Variants in PCDH7 observed in about 807,000 individuals in gnomAD.
PCDH7 encodes protocadherin-7.
In PCDH7, 17 loss-of-function variants were observed where a neutral mutation model predicts 58.9. The observed-to-expected ratio is 0.29, with a 90% CI of 0.20 to 0.43. PCDH7 has a LOEUF of 0.43. PCDH7 is among the 20% of genes least tolerant of loss of function. The probability of loss-of-function intolerance (pLI) is 1.00; values close to 1 mark genes in which losing one functional copy is unlikely to be tolerated. For missense variants in PCDH7, 1,274 were observed against 1,441.0 expected, an observed-to-expected ratio of 0.88 and a Z score of 1.88; for synonymous variants, 664 against 616.4, an observed-to-expected ratio of 1.08 and a Z score of -1.14.
At chr4:30,819,544 G>T (rs191486757) in intron 1 of PCDH7, among the ~76,000 whole-genome samples, 6 of 152,240 alleles carry the variant, frequency 3.9e-5, no homozygotes, top group Non-Finnish European at 8.8e-5. Context: ...CTTCGTTGCC[G>T]TTTTGCTAAG....
intron 3 of PCDH7, among the ~76,000 whole-genome samples, chr4:30,982,762 C>A (rs1299923672): frequency 6.6e-6 from 1 of 152,078 alleles, no homozygotes. Context: ...TGCATCCACT[C>A]TTTCCGTTGT....
At chr4:31,095,809 C>T (rs183069300) in intron 3 of PCDH7, among the ~76,000 whole-genome samples, 38 of 152,276 alleles carry the variant, frequency 2.5e-4, no homozygotes, top group Non-Finnish European at 4.3e-4. Flanking sequence ...GGCTTTCTCT[C>T]TATAGTGTTT....
intron 1 of PCDH7, among the ~76,000 whole-genome samples, chr4:30,794,858 C>T (rs987005402): frequency 6.6e-6 from 1 of 152,060 alleles, no homozygotes; most frequent in African/African-American, 2.4e-5. Context: ...ACCTACATTT[C>T]TCTGTAGTTT....
At chr4:30,818,498 T>C (rs1727970462) in intron 1 of PCDH7, among the ~76,000 whole-genome samples, 1 of 152,184 alleles carries the variant, frequency 6.6e-6, no homozygotes, top group African/African-American at 2.4e-5. Flanking sequence ...TTTCTCCCTG[T>C]AATGAGAGAG....
intron 3 of PCDH7, among the ~76,000 whole-genome samples, chr4:30,950,976 C>CT (rs1213897565): frequency 6.6e-6 from 1 of 152,146 alleles, no homozygotes; most frequent in Non-Finnish European, 1.5e-5. Context: ...TTCTTGACTT[C>CT]TTTTTTCACT....
At position 30,721,882 on chromosome 4, in the gene PCDH7, G is replaced by T; in HGVS notation, c.460G>T (p.Glu154Ter). Residue 154 changes from glutamate (E) to a stop codon, truncating the protein, a stop_gained, in exon 1 of 2, where the codon GAG (glutamate) becomes TAG (stop). Coordinates refer to ENST00000361762, the Ensembl canonical transcript of PCDH7. LOFTEE classifies it high-confidence loss of function. This position sits in a 1 kb window ranked among gnomAD's most constrained non-coding sequence, Gnocchi z 6.7. ...GCCCGTGCTCACGCTCACGGTGGAG[G>T]AGAATCGGCCGGTGGGCACACTTTA... 6.3e-7 allele frequency: 1 copy of T among 1,599,144 alleles called. No homozygotes were observed.
chr4:30,876,459 A>G (rs903836709), intron 1 of PCDH7, among the ~76,000 whole-genome samples: 11 of 152,142 alleles, frequency 7.2e-5, no homozygotes, highest in Non-Finnish European at 1.0e-4. Context: ...AAAAAACAAT[A>G]AAAACATTTG....
chr4:30,928,385 A>G (rs746172644), intron 2 of PCDH7, among the ~76,000 whole-genome samples: 3 of 152,214 alleles, frequency 2.0e-5, no homozygotes, highest in Non-Finnish European at 2.9e-5. Flanking sequence ...AAAGTAGAAC[A>G]ATAGGTGTCT....
intron 3 of PCDH7, among the ~76,000 whole-genome samples, chr4:31,123,095 A>C (rs1717885565): frequency 6.6e-6 from 1 of 152,048 alleles, no homozygotes; most frequent in African/African-American, 2.4e-5. Context: ...GCAACACTAA[A>C]ATGTACCTTT....
chr4:31,121,408 T>A (rs1717678139), intron 3 of PCDH7, among the ~76,000 whole-genome samples: 1 of 152,250 alleles, frequency 6.6e-6, no homozygotes, highest in South Asian at 2.1e-4. Context: ...GAGTTTCATC[T>A]GTAAATGTTT....
At chr4:30,947,319 G>A (rs766945154) in intron 2 of PCDH7, among the ~76,000 whole-genome samples, 4 of 151,888 alleles carry the variant, frequency 2.6e-5, no homozygotes, top group African/African-American at 4.8e-5. Context: ...ACTCTTTATC[G>A]TCAGTGCACT....
At chr4:30,754,164 G>GTC (rs1441188531) in intron 1 of PCDH7, among the ~76,000 whole-genome samples, 1 of 137,834 alleles carries the variant, frequency 7.3e-6, no homozygotes, top group African/African-American at 3.2e-5. Flanking sequence ...AACACTAGGT[G>GTC]TGTGTGTGTG....
intron 1 of PCDH7, among the ~76,000 whole-genome samples, chr4:30,909,333 C>G (rs1336694782): frequency 1.3e-5 from 2 of 152,036 alleles, no homozygotes; most frequent in Non-Finnish European, 2.9e-5. Flanking sequence ...CTGGCCAGGG[C>G]AATCAGGCAA....
At chr4:31,042,259 G>A (rs1755931273) in intron 3 of PCDH7, among the ~76,000 whole-genome samples, 1 of 152,118 alleles carries the variant, frequency 6.6e-6, no homozygotes, top group Admixed American at 6.6e-5. Context: ...GTCAAGCAAT[G>A]CTTTCCCTTC....
At chr4:31,018,536 A>T (rs531690033) in intron 3 of PCDH7, among the ~76,000 whole-genome samples, 1 of 152,202 alleles carries the variant, frequency 6.6e-6, no homozygotes, top group African/African-American at 2.4e-5. Flanking sequence ...TTTCAATCCC[A>T]AAATAAAAGC....
In PCDH7 at chr4:30,721,494, G is replaced by C; in HGVS notation, c.72G>C (p.Ser24=). Residue 24 remains serine, a synonymous_variant, in exon 1 of 2, where the codon TCG becomes TCC. Transcript: ENST00000361762. This position sits in a 1 kb window ranked among gnomAD's most constrained non-coding sequence, Gnocchi z 6.7. ...GCTGCTGCCTCCTCCTGCCGCTCTC[G>C]CTCAGCCTGGCGGCCGCCAAGCAGC... The C allele has an allele frequency of 6.3e-7, 1 of 1,596,244 alleles. No individual in the cohort carries two copies. Among genetic ancestry groups the C allele is most frequent in the Non-Finnish European group, 8.5e-7 (1 of 1,176,974 alleles).
intron 3 of PCDH7, among the ~76,000 whole-genome samples, chr4:31,012,438 A>C (rs1412775073): frequency 6.6e-6 from 1 of 150,648 alleles, no homozygotes; most frequent in Non-Finnish European, 1.5e-5. Flanking sequence ...CACTCACAGA[A>C]TACTTGTCTA....
chr4:31,027,097 C>G (rs564561263), intron 3 of PCDH7, among the ~76,000 whole-genome samples: 6 of 152,194 alleles, frequency 3.9e-5, no homozygotes, highest in African/African-American at 1.4e-4. Flanking sequence ...ATAAGGAAAC[C>G]CAGCCCCAGC....
intron 3 of PCDH7, among the ~76,000 whole-genome samples, chr4:31,089,834 A>G (rs551716438): frequency 6.6e-6 from 1 of 152,218 alleles, no homozygotes; most frequent in South Asian, 2.1e-4. Context: ...GACAAGGAAA[A>G]ATCCGCAAAA....
Sources: allele counts gnomAD v4.1 joint callset (sites outside exome capture counted in the v4.1 genomes callset), GRCh38; gene constraint gnomAD v4.1.1; non-coding constraint Gnocchi (gnomAD v3.1); transcripts MANE v1.5; gene names NCBI Gene and HGNC (gene_info 2026-07-23, HGNC 2026-07-21).